Variants in ALX4 observed in about 807,000 individuals in gnomAD.
ALX4 encodes ALX homeobox 4.
ALX4 carries 22 observed loss-of-function variants against 40.6 expected under a neutral mutation model. The observed-to-expected ratio is 0.54, with a 90% CI of 0.39 to 0.77. The LOEUF (loss-of-function observed/expected upper bound fraction) is 0.77, where lower values mean the gene tolerates loss of function less well. ALX4 is among the 30% of genes least tolerant of loss of function. The pLI, the probability that ALX4 is intolerant of heterozygous loss-of-function variation, is 0.00. For missense variants in ALX4, 556 were observed against 564.8 expected (o/e 0.98, Z 0.16); for synonymous variants, 266 against 240.5 (o/e 1.11, Z -0.98).
At chr11:44,284,822 C>T (rs1369524000) in intron 1 of ALX4, among the ~76,000 whole-genome samples, 1 of 152,162 alleles carries the variant, frequency 6.6e-6, no homozygotes, top group Non-Finnish European at 1.5e-5. Flanking sequence ...ACTTTTGTGA[C>T]TTTTCTTTCG....
At position 44,309,583 on chromosome 11, in the gene ALX4, G is replaced by A. The variant is rs766364974; in HGVS notation, c.466+14C>T. ...CGTGGTCCCCAGCACCAGGTGACCC[G>A]CACGTGCACTCACCGTAGCAGGGAA... On this transcript the variant is annotated intron_variant, in intron 1 of 3. Coordinates refer to ENST00000652299, the MANE Select transcript of ALX4 (RefSeq NM_021926.4). The A allele has an allele frequency of 2.5e-6, 4 of 1,570,438 alleles. No individual in the cohort carries two copies. Among genetic ancestry groups the A allele is most frequent in the East Asian group, 4.6e-5 (2 of 43,022 alleles).
At chr11:44,306,461 T>A (rs375818813) in intron 1 of ALX4, among the ~76,000 whole-genome samples, 2 of 152,222 alleles carry the variant, frequency 1.3e-5, no homozygotes, top group South Asian at 2.1e-4. Context: ...GGCCCAGAAG[T>A]TGAGGCCCAG....
At position 44,262,019 on chromosome 11, in the gene ALX4, T is replaced by A. The variant is rs886048290; in HGVS notation, c.*2835A>T. The A allele has an allele frequency of 1.3e-5, 2 of 152,390 alleles. No individual in the cohort carries two copies. The highest frequency in any genetic ancestry group is 4.1e-4 in the South Asian group (2 of 4,836). The allele number at this position is 152,390 out of a possible 1,614,324, so 9.4% of individuals were successfully genotyped here. ...GAAGGGACTGGGCCCCAAGGTTCTC[T>A]TCTGGAGAACTGAGCTGCTGAGTGA... On this transcript the variant is annotated 3_prime_UTR_variant, in exon 4 of 4. Transcript: ENST00000652299.
In ALX4 at chr11:44,309,688, C is replaced by T. The variant is rs1291102583; in HGVS notation, c.375G>A (p.Gln125=). The T allele has an allele frequency of 1.9e-6, 3 of 1,590,880 alleles. No homozygotes were observed. The highest frequency in any genetic ancestry group is 2.3e-5 in the East Asian group (1 of 43,938). Residue 125 remains glutamine (Q), a synonymous_variant, in exon 1 of 4, where the codon CAG becomes CAA. Coordinates refer to ENST00000652299, the MANE Select transcript of ALX4 (RefSeq NM_021926.4). ...CCGGGGGCGTCTTGCAGGCGCCTCG[C>T]TGCAAGTAAAGATGCGGTTGCGCGG... ...QPPAQPHLYL[Q]RGACKTPPDG...
At chr11:44,283,667 G>A (rs79729160) in intron 1 of ALX4, among the ~76,000 whole-genome samples, 315 of 152,214 alleles carry the variant, frequency 2.1e-3, no homozygotes, top group African/African-American at 7.2e-3. Flanking sequence ...AGATTCAAAC[G>A]ATTGTCGGAC....
chr11:44,292,579 C>T (rs116136020), intron 1 of ALX4, among the ~76,000 whole-genome samples: 4,997 of 151,944 alleles, frequency 0.033, 258 homozygotes, highest in African/African-American at 0.11. Context: ...GGGAAAGATT[C>T]TTCAATATTT....
chr11:44,308,300 G>A (rs140717661), intron 1 of ALX4, among the ~76,000 whole-genome samples: 20 of 152,346 alleles, frequency 1.3e-4, no homozygotes, highest in African/African-American at 4.6e-4. Flanking sequence ...GAAGGAACCT[G>A]AATACGAGAA....
intron 1 of ALX4, among the ~76,000 whole-genome samples, chr11:44,295,926 TC>T (rs1390057349): frequency 1.3e-5 from 2 of 152,238 alleles, no homozygotes; most frequent in South Asian, 4.1e-4. Flanking sequence ...TCTAGAGTCC[TC>T]GCCTTTGGCT....
intron 3 of ALX4, among the ~76,000 whole-genome samples, chr11:44,266,148 G>A (rs998115218): frequency 6.6e-6 from 1 of 152,134 alleles, no homozygotes; most frequent in African/African-American, 2.4e-5. Flanking sequence ...TCTCTGCGGT[G>A]CAGGGGAAGG....
intron 1 of ALX4, among the ~76,000 whole-genome samples, chr11:44,282,666 A>T (rs995865605): frequency 2.6e-5 from 4 of 152,212 alleles, no homozygotes; most frequent in African/African-American, 9.6e-5. Context: ...ACTGTTGACA[A>T]TGACATGGAT....
intron 1 of ALX4, among the ~76,000 whole-genome samples, chr11:44,284,834 A>T (rs892513144): frequency 1.3e-5 from 2 of 152,158 alleles, no homozygotes; most frequent in East Asian, 3.9e-4. Context: ...TTTCTTTCGC[A>T]TTACAAATGT....
chr11:44,304,661 G>A (rs1956455856), intron 1 of ALX4, among the ~76,000 whole-genome samples: 1 of 152,162 alleles, frequency 6.6e-6, no homozygotes, highest in Non-Finnish European at 1.5e-5. Context: ...AGCAGCAAAG[G>A]CCAATATATT....
Position 44,310,077 on chromosome 11 carries a change from G to T in ALX4, c.-15C>A, listed in dbSNP as rs1009644339. 33 of 1,569,612 alleles carry T rather than the reference G, an allele frequency of 2.1e-5. No homozygotes were observed. The highest frequency in any genetic ancestry group is 2.8e-5 in the Non-Finnish European group (32 of 1,155,760). ...TCAGCATTCATGCCTGGCTTGCGCA[G>T]GCGGCGGGCGGGGACGCGAGCGAGG... On this transcript the variant is annotated 5_prime_UTR_variant, in exon 1 of 4. In the 5' UTR this introduces an upstream ATG that the reference lacks. Coordinates refer to ENST00000652299, the MANE Select transcript of ALX4 (RefSeq NM_021926.4).
At chr11:44,302,311 C>A (rs897951149) in intron 1 of ALX4, among the ~76,000 whole-genome samples, 1 of 152,132 alleles carries the variant, frequency 6.6e-6, no homozygotes, top group East Asian at 1.9e-4. Flanking sequence ...GATAGCAGGA[C>A]GTGGACCCAG....
intron 1 of ALX4, among the ~76,000 whole-genome samples, chr11:44,277,283 G>A (rs951335744): frequency 2.0e-5 from 3 of 152,192 alleles, no homozygotes; most frequent in Non-Finnish European, 2.9e-5. Flanking sequence ...CAAGCATGCA[G>A]GCCCTTGGGC....
At chr11:44,302,564 C>T (rs986200145) in intron 1 of ALX4, among the ~76,000 whole-genome samples, 2 of 152,200 alleles carry the variant, frequency 1.3e-5, no homozygotes, top group Non-Finnish European at 2.9e-5. Flanking sequence ...GGAGAAGGTC[C>T]GCCCAGGGAA....
intron 1 of ALX4, among the ~76,000 whole-genome samples, chr11:44,305,957 G>A (rs1956464876): frequency 6.6e-6 from 1 of 152,364 alleles, no homozygotes; most frequent in South Asian, 2.1e-4. Context: ...CGGATCCGGA[G>A]TTTGGGGGCG....
At chr11:44,297,582 G>C (rs1956410266) in intron 1 of ALX4, among the ~76,000 whole-genome samples, 1 of 152,126 alleles carries the variant, frequency 6.6e-6, no homozygotes, top group Admixed American at 6.6e-5. Context: ...ACTGGGCGTG[G>C]TGACGAGCCT....
intron 1 of ALX4, among the ~76,000 whole-genome samples, chr11:44,287,278 G>A (rs1417187980): frequency 6.6e-6 from 1 of 152,046 alleles, no homozygotes; most frequent in Non-Finnish European, 1.5e-5. Context: ...ATTAATGCTG[G>A]GCTCTCGCAA....
Sources: gnomAD v4.1 joint callset for allele counts (sites outside exome capture counted in the v4.1 genomes callset) on GRCh38, gnomAD v4.1.1 for gene constraint, MANE v1.5 for transcripts, NCBI Gene and HGNC (gene_info 2026-07-23, HGNC 2026-07-21) for gene names.